Variants in BAZ2B observed in about 807,000 individuals in gnomAD.
The protein encoded by BAZ2B is bromodomain adjacent to zinc finger domain 2B, also known as bromodomain adjacent to zinc finger domain protein 2B.
Under a neutral mutation model 246.0 loss-of-function variants are expected in BAZ2B, and 91 were observed. That is an observed-to-expected ratio of 0.37 (90% CI 0.31 to 0.44). The LOEUF is 0.44. Ranked by LOEUF, BAZ2B falls within the 20% of genes least tolerant of loss-of-function variation. BAZ2B has a pLI of 1.00. For synonymous variants in BAZ2B, 855 were observed against 860.0 expected (o/e 0.99, Z 0.10); for missense variants, 2,332 against 2,533.7 (o/e 0.92, Z 1.71).
intron 19 of BAZ2B, chr2:159,396,067 C>T (rs986804366): frequency 6.4e-5 from 25 of 392,148 alleles, no homozygotes; most frequent in African/African-American, 4.6e-4. Context: ...AAGCAATGAA[C>T]ATGGAGACAG....
chr2:159,649,409 TA>T, the BAZ2B span, among the ~76,000 whole-genome samples: 1 of 152,134 alleles, frequency 6.6e-6, no homozygotes, highest in Non-Finnish European at 1.5e-5. Flanking sequence ...TGTGAGAATC[TA>T]ATGCTACCAC....
chr2:159,339,996 A>C (rs2112112), intron 31 of BAZ2B, among the ~76,000 whole-genome samples: 1 of 152,006 alleles, frequency 6.6e-6, no homozygotes, highest in African/African-American at 2.4e-5. Context: ...AAATAGGAGA[A>C]TACATAAAGA....
intron 2 of BAZ2B, among the ~76,000 whole-genome samples, chr2:159,534,015 G>A (rs1179650205): frequency 6.6e-6 from 1 of 152,142 alleles, no homozygotes; most frequent in African/African-American, 2.4e-5. Flanking sequence ...ACGAGAGGCC[G>A]TAATCAAATT....
intron 26 of BAZ2B, among the ~76,000 whole-genome samples, chr2:159,373,861 G>A (rs1326346328): frequency 2.0e-5 from 3 of 152,058 alleles, no homozygotes; most frequent in Non-Finnish European, 2.9e-5. Context: ...TAATATATAT[G>A]TAATTGGCTA....
chr2:159,591,449 A>C (rs1689369023), intron 1 of BAZ2B, among the ~76,000 whole-genome samples: 1 of 152,216 alleles, frequency 6.6e-6, no homozygotes, highest in Non-Finnish European at 1.5e-5. Flanking sequence ...CAAAGGTAGG[A>C]TAAGGAAAAC....
At chr2:159,514,050 C>G (rs2083194761) in intron 2 of BAZ2B, among the ~76,000 whole-genome samples, 1 of 152,170 alleles carries the variant, frequency 6.6e-6, no homozygotes, top group African/African-American at 2.4e-5. Flanking sequence ...TCAACATCAT[C>G]TTTTTTGTGA....
Position 159,405,079 on chromosome 2 carries a change from T to C in BAZ2B, c.2713A>G (p.Arg905Gly), listed in dbSNP as rs2065689743. The change falls in exon 15 of 37, where the codon AGA (arginine) becomes GGA (glycine). Residue 905 changes from arginine to glycine, a missense_variant. By Grantham distance (125) the Arg-to-Gly change is moderately radical. This residue lies in a region of BAZ2B where 651 missense variants were observed against 650.9 expected (regional missense o/e 1.00). Coordinates refer to ENST00000392783, the MANE Select transcript of BAZ2B (RefSeq NM_013450.4). ...ARQAAQIKLL[R>G]KLQKQEQARV... ...GCCTGTTCCTGCTTTTGAAGTTTTC[T>C]CAAAAGCTTTATTTGTGCTGCTTGC... is the stretch of plus-strand genomic sequence containing the variant. 6.2e-7 allele frequency: 1 copy of C among 1,614,136 alleles called. No homozygotes were observed. The highest frequency in any genetic ancestry group is 8.5e-7 in the Non-Finnish European group (1 of 1,179,986).
chr2:159,523,914 C>T (rs758059349), intron 2 of BAZ2B, among the ~76,000 whole-genome samples: 8 of 152,252 alleles, frequency 5.3e-5, no homozygotes, highest in South Asian at 2.1e-4. Flanking sequence ...CCAAAGTCCA[C>T]GGCCTATCTT....
the BAZ2B span, among the ~76,000 whole-genome samples, chr2:159,691,468 T>A: frequency 4.4e-5 from 5 of 114,044 alleles, no homozygotes; most frequent in African/African-American, 1.4e-4. Flanking sequence ...ATTAAGAAAA[T>A]CATGAGAGAA....
At chr2:159,663,878 T>A in the BAZ2B span, among the ~76,000 whole-genome samples, 8 of 87,042 alleles carry the variant, frequency 9.2e-5, no homozygotes, top group South Asian at 4.1e-4. Flanking sequence ...TTTTTTTTTT[T>A]TTTTTTTTTA....
chr2:159,633,789 G>A, the BAZ2B span, among the ~76,000 whole-genome samples: 2 of 143,106 alleles, frequency 1.4e-5, no homozygotes, highest in Admixed American at 7.1e-5. Context: ...CACCCAGGCT[G>A]GAGCGCAGTG....
chr2:159,453,443 T>C (rs1209329048), intron 4 of BAZ2B, among the ~76,000 whole-genome samples, 170 bp downstream of exon 4: 1 of 152,198 alleles, frequency 6.6e-6, no homozygotes, highest in Non-Finnish European at 1.5e-5. Context: ...CTAACACACT[T>C]AGGGTGTTTA....
intron 2 of BAZ2B, among the ~76,000 whole-genome samples, chr2:159,519,460 G>C (rs1047768116): frequency 6.7e-6 from 1 of 149,048 alleles, no homozygotes; most frequent in Non-Finnish European, 1.5e-5. Flanking sequence ...TCGATCTCCT[G>C]ACCTCATGAT....
At chr2:159,550,029 G>A (rs1004788450) in intron 2 of BAZ2B, among the ~76,000 whole-genome samples, 5 of 151,906 alleles carry the variant, frequency 3.3e-5, no homozygotes, top group Non-Finnish European at 5.9e-5. Flanking sequence ...TTGCCATGTC[G>A]GCCAAGCTGG....
At chr2:159,436,431 C>T (rs13033861) in intron 8 of BAZ2B, among the ~76,000 whole-genome samples, 69,822 of 151,892 alleles carry the variant, frequency 0.46, 17,384 homozygotes, top group Middle Eastern at 0.59. Context: ...ACCTGTATAG[C>T]AGCAAATCTC....
Position 159,448,327 on chromosome 2 carries a change from T to C in BAZ2B, c.417A>G (p.Leu139=). ...CATGATTCTGGGCTGGGGGAGCAAA[T>C]AGTGGTGGAATTCCCAGTAATGGTG... ...FFPPLLGIPP[L]FAPPAQNHDS... is the part of the protein sequence containing the mutation. Residue 139 remains leucine (L), a synonymous_variant, in exon 5 of 37, where the codon CTA becomes CTG. Coordinates refer to ENST00000392783, the MANE Select transcript of BAZ2B (RefSeq NM_013450.4). 2 of 1,613,236 alleles carry C rather than the reference T, an allele frequency of 1.2e-6. No individual in the cohort carries two copies. The highest frequency in any genetic ancestry group is 2.2e-5 in the East Asian group (1 of 44,840).
At position 159,573,672 on chromosome 2, in the gene BAZ2B, G is replaced by C. The variant is rs953485601; in HGVS notation, c.-45-17807C>G. On this transcript the variant is annotated intron_variant, in intron 1 of 36. Transcript: ENST00000392783. The stretch of plus-strand genomic sequence containing the variant: ...GGAAAAATAGATAACGTGGACTTTT[G>C]TCCTTCAAAGGACACTATCAAGAAA... Among the ~76,000 whole-genome samples the C allele has an allele frequency of 2.0e-5, 3 of 152,292 alleles. No homozygotes were observed. In the South Asian group the frequency reaches 6.2e-4, roughly 32 times the overall value.
chr2:159,569,979 T>C (rs1320126547), intron 1 of BAZ2B, among the ~76,000 whole-genome samples: 1 of 152,156 alleles, frequency 6.6e-6, no homozygotes. Context: ...CTGTGCACAG[T>C]CTCTGATACA....
At chr2:159,400,104 T>G (rs914428855) in intron 17 of BAZ2B, among the ~76,000 whole-genome samples, 2 of 152,202 alleles carry the variant, frequency 1.3e-5, no homozygotes, top group Non-Finnish European at 2.9e-5. Flanking sequence ...TGCCTATTAC[T>G]TTTGCTGTTG....
Sources: gnomAD v4.1 joint callset for allele counts (sites outside exome capture counted in the v4.1 genomes callset) on GRCh38, gnomAD v4.1.1 for gene constraint, gnomAD v4.1.1 regional missense constraint, MANE v1.5 for transcripts, NCBI Gene and HGNC (gene_info 2026-07-23, HGNC 2026-07-21) for gene names.